Variants in TVP23B observed in about 807,000 individuals in gnomAD.
TVP23B encodes the protein trans-golgi network vesicle protein 23 homolog B.
Under a neutral mutation model 30.6 loss-of-function variants are expected in TVP23B, and 10 were observed. The ratio of observed to expected loss-of-function variants is 0.33; its 90% CI spans 0.20 to 0.55. The LOEUF (loss-of-function observed/expected upper bound fraction) is 0.55, where lower values mean the gene tolerates loss of function less well. Ranked by LOEUF, TVP23B falls within the 20% of genes least tolerant of loss-of-function variation. The pLI is 0.91. For missense variants in TVP23B, 153 were observed against 243.2 expected (o/e 0.63, Z 2.47); for synonymous variants, 67 against 83.1 (o/e 0.81, Z 1.06).
rs1047292582 is a variant in TVP23B, at chr17:18,790,476, A to T, written c.96-420A>T. ...GAGACTCCGTCTCAAAAAAAAAAAA[A>T]AAAGAAAAGAAAGAAAGAAACAAAC... On this transcript the variant is annotated intron_variant, in intron 2 of 6. Transcript: ENST00000307767. 1.7e-3 allele frequency among the ~76,000 whole-genome samples: 230 copies of T among 138,570 alleles called. 3 individuals carry two copies. Among genetic ancestry groups the T allele is most frequent in the African/African-American group, 6.1e-3 (227 of 37,026 alleles). 90.9% of individuals were successfully genotyped at this position (138,570 alleles called of 152,430 possible). A position where few individuals can be genotyped will look rare whatever the true frequency, so the allele number is the denominator to read the frequency against.
intron 1 of TVP23B, chr17:18,789,036 A>G (rs1400830275): frequency 3.6e-6 from 1 of 279,544 alleles, no homozygotes; most frequent in Non-Finnish European, 6.9e-6. Context: ...TTGCTCTGTG[A>G]CTTGGGAGAG....
rs1424996226 is a variant in TVP23B at position 18,806,054 on chromosome 17, TGTTA to T, written c.*491_*494del. On this transcript the variant is annotated 3_prime_UTR_variant, in exon 7 of 7. Coordinates refer to ENST00000307767, the MANE Select transcript of TVP23B (RefSeq NM_016078.6). ...GGCTTATGTATAAGTTAGAAATAAT[TGTTA>T]GTTTTTAATATGCACTTCGTGGGGA... The T allele has an allele frequency of 2.0e-6, 2 of 979,036 alleles. No individual in the cohort carries two copies. The highest frequency in any genetic ancestry group is 3.5e-5 in the African/African-American group (2 of 57,130). 60.6% of individuals were successfully genotyped at this position (979,036 alleles called of 1,614,324 possible).
intron 1 of TVP23B, among the ~76,000 whole-genome samples, chr17:18,783,612 A>G (rs1373157775): frequency 3.9e-5 from 6 of 152,178 alleles, no homozygotes; most frequent in South Asian, 4.1e-4. Context: ...TCGGAAGACA[A>G]TTTTCACACT....
intron 4 of TVP23B, among the ~76,000 whole-genome samples, chr17:18,798,307 T>G (rs2036105784): frequency 6.6e-6 from 1 of 152,220 alleles, no homozygotes; most frequent in Non-Finnish European, 1.5e-5. Context: ...CTGTATTCTT[T>G]TATATTATAG....
At chr17:18,800,718 G>A (rs11871508) in intron 5 of TVP23B, among the ~76,000 whole-genome samples, 2,473 of 151,890 alleles carry the variant, frequency 0.016, 28 homozygotes, top group Non-Finnish European at 0.025. Context: ...CTTTCTGACA[G>A]GCAGACCAAA....
intron 1 of TVP23B, among the ~76,000 whole-genome samples, chr17:18,787,451 C>T (rs1420412371): frequency 2.7e-5 from 4 of 149,574 alleles, no homozygotes; most frequent in Non-Finnish European, 5.9e-5. Flanking sequence ...GCAGCTTAAT[C>T]TATATGGAGG....
chr17:18,796,997 T>A (rs2036086603), intron 3 of TVP23B: 1 of 155,462 alleles, frequency 6.4e-6, no homozygotes. Context: ...GCATTGGTTG[T>A]CTGCCTCTCT....
At chr17:18,798,556 A>G (rs1345817769) in intron 4 of TVP23B, among the ~76,000 whole-genome samples, 1 of 152,186 alleles carries the variant, frequency 6.6e-6, no homozygotes, top group Non-Finnish European at 1.5e-5. Flanking sequence ...ATAGAATCCT[A>G]TCAGAGACCA....
chr17:18,790,274 C>T (rs553612188), intron 2 of TVP23B, among the ~76,000 whole-genome samples: 3 of 152,022 alleles, frequency 2.0e-5, no homozygotes, highest in Non-Finnish European at 4.4e-5. Context: ...ATCATCCTGG[C>T]TAACATGGTG....
chr17:18,784,308 C>G (rs1426761532), intron 1 of TVP23B, among the ~76,000 whole-genome samples: 2 of 152,154 alleles, frequency 1.3e-5, no homozygotes, highest in African/African-American at 4.8e-5. Flanking sequence ...CTCTCCCAAC[C>G]ATACTGGAAC....
chr17:18,789,094 C>T, intron 1 of TVP23B: 2 of 485,512 alleles, frequency 4.1e-6, no homozygotes, highest in Admixed American at 6.8e-5. Flanking sequence ...TCATCTGCAC[C>T]CTAGAGTTTT....
At chr17:18,784,084 G>T (rs1005709230) in intron 1 of TVP23B, among the ~76,000 whole-genome samples, 28 of 152,268 alleles carry the variant, frequency 1.8e-4, no homozygotes, top group African/African-American at 6.3e-4. Flanking sequence ...GGCGGAGCTT[G>T]CAGTGAGCCG....
chr17:18,795,492 G>C (rs1006697139), intron 3 of TVP23B, among the ~76,000 whole-genome samples: 1 of 152,130 alleles, frequency 6.6e-6, no homozygotes, highest in Non-Finnish European at 1.5e-5. Context: ...TAGGGCATCA[G>C]TGCCTGCTGC....
At position 18,790,430 on chromosome 17, in the gene TVP23B, C is replaced by T. The variant is rs1479102987; in HGVS notation, c.96-466C>T. 1.1e-4 allele frequency among the ~76,000 whole-genome samples: 15 copies of T among 137,992 alleles called. No individual in the cohort carries two copies. The Admixed American group carries it at 1.2e-3, about 11-fold the overall frequency. 90.5% of individuals were successfully genotyped at this position (137,992 alleles called of 152,430 possible). ...AGTGAGCCGAGATTGTGCCACCAAA[C>T]TCCAGCCTGGGCGACGGAGCGAGAC... On this transcript the variant is annotated intron_variant, in intron 2 of 6. Transcript: ENST00000307767.
chr17:18,784,522 G>A (rs941400426), intron 1 of TVP23B, among the ~76,000 whole-genome samples: 5 of 152,234 alleles, frequency 3.3e-5, no homozygotes, highest in Admixed American at 3.3e-4. Flanking sequence ...GCATGTGCCT[G>A]TGGTCTCAGC....
At chr17:18,799,038 A>G in intron 5 of TVP23B, 95 bp downstream of exon 5, 1 of 1,437,932 alleles carries the variant, frequency 7.0e-7, no homozygotes, top group African/African-American at 1.4e-5. Context: ...ATCATTAGGG[A>G]CCTATCTTGA....
chr17:18,791,609 A>G (rs1479792202), intron 3 of TVP23B, among the ~76,000 whole-genome samples: 3 of 151,860 alleles, frequency 2.0e-5, no homozygotes, highest in Non-Finnish European at 2.9e-5. Flanking sequence ...ATTGACATCT[A>G]GTGGCTAGAG....
At chr17:18,788,320 G>C (rs1019939706) in intron 1 of TVP23B, among the ~76,000 whole-genome samples, 7 of 85,082 alleles carry the variant, frequency 8.2e-5, no homozygotes, top group South Asian at 7.9e-4. Context: ...GACAGAGCAA[G>C]ACTCCATCTC....
chr17:18,788,710 A>G (rs1212163091), intron 1 of TVP23B, among the ~76,000 whole-genome samples: 2 of 152,108 alleles, frequency 1.3e-5, no homozygotes, highest in Non-Finnish European at 2.9e-5. Context: ...TGAACCCGGG[A>G]GGCGGAGGTT....
Sources: gnomAD v4.1 joint callset for allele counts (sites outside exome capture counted in the v4.1 genomes callset) on GRCh38, gnomAD v4.1.1 for gene constraint, MANE v1.5 for transcripts, NCBI Gene and HGNC (gene_info 2026-07-23, HGNC 2026-07-21) for gene names.